The following AGBL1 variants were observed in gnomAD, a reference collection of about 807,000 sequenced individuals.
The protein encoded by AGBL1 is AGBL carboxypeptidase 1.
Under a neutral mutation model 118.9 loss-of-function variants are expected in AGBL1, and 130 were observed. The observed-to-expected ratio is 1.09, with a 90% CI of 0.95 to 1.26. AGBL1 has a LOEUF of 1.26. AGBL1 is among the 50% of genes most tolerant of loss of function. AGBL1 has a pLI of 0.00. For synonymous variants in AGBL1, 555 were observed against 478.9 expected, an observed-to-expected ratio of 1.16 and a Z score of -2.08; for missense variants, 1,584 against 1,298.1, an observed-to-expected ratio of 1.22 and a Z score of -3.38.
rs76501585 is a variant in AGBL1, at chr15:86,633,749, C to T, written c.2995-40524C>T. 2.1e-3 allele frequency among the ~76,000 whole-genome samples: 305 copies of T among 148,412 alleles called. 5 individuals are homozygous for T. In the East Asian group the frequency reaches 0.041, roughly 20 times the overall value. ...TGCTATCTTTGTACTGTATTATACA[C>T]AGTAATATGTATAAATACAATATTT... On this transcript the variant is annotated intron_variant, in intron 21 of 22. Transcript: ENST00000614907.
At chr15:86,834,559 T>G (rs1341506596) in intron 22 of AGBL1, among the ~76,000 whole-genome samples, 2 of 152,164 alleles carry the variant, frequency 1.3e-5, no homozygotes, top group African/African-American at 4.8e-5. Flanking sequence ...GAGGCTGGAA[T>G]AGTAAGAGGG....
intron 5 of AGBL1, among the ~76,000 whole-genome samples, chr15:86,211,617 A>G (rs2078099991): frequency 6.6e-6 from 1 of 152,232 alleles, no homozygotes; most frequent in South Asian, 2.1e-4. Flanking sequence ...GCAGTGAGCA[A>G]GGATCTGTGG....
chr15:86,631,329 T>G (rs2084961494), intron 21 of AGBL1, among the ~76,000 whole-genome samples: 1 of 152,170 alleles, frequency 6.6e-6, no homozygotes, highest in Non-Finnish European at 1.5e-5. Flanking sequence ...TCATATTCAT[T>G]GAGCACTCTT....
At chr15:86,803,321 CCTT>C (rs2078676208) in intron 22 of AGBL1, among the ~76,000 whole-genome samples, 1 of 152,226 alleles carries the variant, frequency 6.6e-6, no homozygotes. Flanking sequence ...TCTTCTCTCT[CCTT>C]CTGCCATGTG....
intron 22 of AGBL1, among the ~76,000 whole-genome samples, chr15:86,827,369 G>GTA (rs1196311754): frequency 5.5e-4 from 2 of 3,656 alleles, no homozygotes; most frequent in African/African-American, 1.7e-3. Context: ...ATATGTGTGT[G>GTA]TATATATATA....
At chr15:86,216,179 G>A (rs560791225) in intron 5 of AGBL1, among the ~76,000 whole-genome samples, 31 of 152,188 alleles carry the variant, frequency 2.0e-4, no homozygotes, top group African/African-American at 6.0e-4. Flanking sequence ...CCAAGATCAC[G>A]CCATCTGCAA....
chr15:86,942,850 C>A (rs74586811), intron 23 of AGBL1, among the ~76,000 whole-genome samples: 1,884 of 152,248 alleles, frequency 0.012, 39 homozygotes, highest in African/African-American at 0.043. Flanking sequence ...TCTTGTAATA[C>A]CTTGTCAATC....
intron 1 of AGBL1, among the ~76,000 whole-genome samples, chr15:86,119,222 A>G (rs2141572329): frequency 6.6e-6 from 1 of 152,310 alleles, no homozygotes; most frequent in East Asian, 1.9e-4. Context: ...TATAAAAGAG[A>G]ATTTATCACA....
At chr15:86,810,901 G>A (rs1389234684) in intron 22 of AGBL1, among the ~76,000 whole-genome samples, 1 of 152,142 alleles carries the variant, frequency 6.6e-6, no homozygotes, top group Non-Finnish European at 1.5e-5. Context: ...CTCTGGAGGG[G>A]AAATTGTTCA....
intron 7 of AGBL1, 27 bp from the exon 8 acceptor site, chr15:86,256,826 A>G (rs1166076355): frequency 7.4e-6 from 12 of 1,612,138 alleles, no homozygotes; most frequent in Non-Finnish European, 1.0e-5. Flanking sequence ...AGATGTTGGC[A>G]TCTGATATAA....
At chr15:86,279,869 C>G in intron 16 of AGBL1, 86 bp downstream of exon 16, 1 of 1,505,900 alleles carries the variant, frequency 6.6e-7, no homozygotes, top group Admixed American at 1.7e-5. Flanking sequence ...ACCCTGACAT[C>G]CTGATGGGGT....
chr15:86,665,192 T>C (rs1313283093), intron 21 of AGBL1, among the ~76,000 whole-genome samples: 1 of 152,196 alleles, frequency 6.6e-6, no homozygotes, highest in Non-Finnish European at 1.5e-5. Context: ...CTCAAGTTTA[T>C]TTGACTAGTA....
chr15:86,238,950 A>C (rs1429621252), intron 6 of AGBL1, among the ~76,000 whole-genome samples: 1 of 152,152 alleles, frequency 6.6e-6, no homozygotes, highest in South Asian at 2.1e-4. Flanking sequence ...CTTTCTCTTC[A>C]TAGGTGCAGC....
chr15:86,232,643 G>T (rs2078474645), intron 6 of AGBL1, among the ~76,000 whole-genome samples: 1 of 152,144 alleles, frequency 6.6e-6, no homozygotes, highest in African/African-American at 2.4e-5. Context: ...GATGGATCGG[G>T]ACTTACGGAG....
chr15:86,484,307 T>A (rs2082688107), intron 18 of AGBL1, among the ~76,000 whole-genome samples: 1 of 151,668 alleles, frequency 6.6e-6, no homozygotes, highest in Non-Finnish European at 1.5e-5. Context: ...TTGGAGGGAG[T>A]GTGAGGTGGA....
chr15:86,662,455 G>A (rs117915848), intron 21 of AGBL1, among the ~76,000 whole-genome samples: 207 of 152,284 alleles, frequency 1.4e-3, no homozygotes, highest in Non-Finnish European at 2.6e-3. Flanking sequence ...CAGAAAGTTG[G>A]GATTTAGATC....
At chr15:86,121,947 A>T (rs1213267725) in intron 1 of AGBL1, among the ~76,000 whole-genome samples, 2 of 152,242 alleles carry the variant, frequency 1.3e-5, no homozygotes, top group Non-Finnish European at 2.9e-5. Flanking sequence ...CTTTCATACA[A>T]GGCCAAACTT....
intron 22 of AGBL1, among the ~76,000 whole-genome samples, chr15:86,749,228 C>T (rs148187034): frequency 6.6e-6 from 1 of 152,072 alleles, no homozygotes; most frequent in Non-Finnish European, 1.5e-5. Flanking sequence ...TCCTTCACAT[C>T]CCTTGGAAGT....
intron 18 of AGBL1, among the ~76,000 whole-genome samples, chr15:86,520,232 G>A (rs2142195818): frequency 6.6e-6 from 1 of 152,328 alleles, no homozygotes; most frequent in East Asian, 1.9e-4. Context: ...AGATACAGAT[G>A]TGGATATAGT....
Sources: allele counts gnomAD v4.1 joint callset (sites outside exome capture counted in the v4.1 genomes callset), GRCh38; gene constraint gnomAD v4.1.1; transcripts MANE v1.5; gene names NCBI Gene and HGNC (gene_info 2026-07-23, HGNC 2026-07-21).